The following CACNA2D1 variants were observed in gnomAD, a reference collection of about 807,000 sequenced individuals.
The protein encoded by CACNA2D1 is voltage-dependent calcium channel subunit alpha-2/delta-1.
A neutral mutation model predicts 171.5 loss-of-function variants in CACNA2D1; 53 were observed. The ratio of observed to expected loss-of-function variants is 0.31; its 90% confidence interval spans 0.25 to 0.39. The LOEUF is 0.39. Among genes scored for constraint, CACNA2D1 ranks in the 10% least tolerant of loss-of-function variants. CACNA2D1 has a pLI of 1.00. For missense variants in CACNA2D1, 903 were observed against 1,299.8 expected (o/e 0.69, Z 4.69); for synonymous variants, 442 against 443.1 (o/e 1.00, Z 0.03).
At chr7:82,324,764 G>T (rs1237028805) in intron 3 of CACNA2D1, among the ~76,000 whole-genome samples, 1 of 152,120 alleles carries the variant, frequency 6.6e-6, no homozygotes, top group Non-Finnish European at 1.5e-5. Flanking sequence ...AAAACCTGAT[G>T]TTCTGAGTGA....
chr7:82,007,184 A>T (rs1180350066), intron 16 of CACNA2D1, among the ~76,000 whole-genome samples: 1 of 151,992 alleles, frequency 6.6e-6, no homozygotes, highest in Non-Finnish European at 1.5e-5. Context: ...GTATCCTAAA[A>T]ATAGAAAAAA....
At chr7:82,390,288 A>T (rs1170898262) in intron 1 of CACNA2D1, among the ~76,000 whole-genome samples, 3 of 152,178 alleles carry the variant, frequency 2.0e-5, no homozygotes, top group Non-Finnish European at 2.9e-5. Context: ...TAAAAAGAAA[A>T]ACCTCTGACG....
At chr7:82,042,261 G>A (rs1562912680) in intron 10 of CACNA2D1, among the ~76,000 whole-genome samples, 2 of 152,130 alleles carry the variant, frequency 1.3e-5, no homozygotes, top group Admixed American at 1.3e-4. Flanking sequence ...ATCGTATTAT[G>A]TATGTTTTAA....
intron 3 of CACNA2D1, among the ~76,000 whole-genome samples, chr7:82,219,247 T>C (rs939642661): frequency 6.6e-6 from 1 of 152,182 alleles, no homozygotes; most frequent in Non-Finnish European, 1.5e-5. Flanking sequence ...TGCTACTTAG[T>C]AGGAAATAAT....
At chr7:82,142,023 T>A (rs1031551093) in intron 4 of CACNA2D1, among the ~76,000 whole-genome samples, 3 of 152,172 alleles carry the variant, frequency 2.0e-5, no homozygotes, top group Non-Finnish European at 4.4e-5. Flanking sequence ...TTAAACAACA[T>A]CATCTTGGAA....
chr7:82,321,413 A>C (rs916754229), intron 3 of CACNA2D1, among the ~76,000 whole-genome samples: 1 of 152,046 alleles, frequency 6.6e-6, no homozygotes, highest in Non-Finnish European at 1.5e-5. Context: ...AAGAAATAAA[A>C]TAATAAAATA....
At chr7:82,247,581 A>T (rs540311918) in intron 3 of CACNA2D1, among the ~76,000 whole-genome samples, 1 of 152,154 alleles carries the variant, frequency 6.6e-6, no homozygotes, top group Non-Finnish European at 1.5e-5. Flanking sequence ...TGTCCAAAGT[A>T]AATCCAAGCA....
intron 18 of CACNA2D1, among the ~76,000 whole-genome samples, chr7:81,998,705 C>T (rs1222400927): frequency 1.3e-5 from 2 of 151,866 alleles, no homozygotes; most frequent in African/African-American, 4.8e-5. Context: ...TTCTAGAATA[C>T]TGAAAATAAG....
In CACNA2D1 at chr7:82,296,277, AC is replaced by A. The variant is rs200506874; in HGVS notation, c.294+38857del. Among the ~76,000 whole-genome samples the A allele has an allele frequency of 7.0e-3, 1,058 of 152,012 alleles. 6 individuals carry two copies. The highest frequency in any genetic ancestry group is 0.024 in the African/African-American group (986 of 41,416). On this transcript the variant is annotated intron_variant, in intron 3 of 38. Transcript: ENST00000356860. ...AGTATAATAATAATTAAAAAAAAAA[AC>A]ATGTAGATTCTGAAGAGGAAAAACT...
intron 3 of CACNA2D1, among the ~76,000 whole-genome samples, chr7:82,246,368 A>G (rs1804923995): frequency 6.6e-6 from 1 of 152,162 alleles, no homozygotes; most frequent in Non-Finnish European, 1.5e-5. Context: ...GTTCATCTCA[A>G]TAAATATCTG....
chr7:81,995,338 G>A (rs1234732632), intron 19 of CACNA2D1, among the ~76,000 whole-genome samples: 1 of 152,128 alleles, frequency 6.6e-6, no homozygotes, highest in Non-Finnish European at 1.5e-5. Flanking sequence ...TGAGTTTCAT[G>A]TGAGAAAAAT....
At chr7:82,388,205 T>A (rs921654460) in intron 1 of CACNA2D1, among the ~76,000 whole-genome samples, 3 of 152,232 alleles carry the variant, frequency 2.0e-5, no homozygotes, top group Non-Finnish European at 4.4e-5. Flanking sequence ...GACTTTCTAT[T>A]TACAAATTCA....
At chr7:81,952,085 G>A (rs1170730143) in intron 38 of CACNA2D1, among the ~76,000 whole-genome samples, 3 of 146,938 alleles carry the variant, frequency 2.0e-5, no homozygotes, top group African/African-American at 5.0e-5. Flanking sequence ...GATAATTAGT[G>A]ATGTTGAGCA....
chr7:82,320,578 ATT>A (rs1187859762), intron 3 of CACNA2D1, among the ~76,000 whole-genome samples: 109 of 128,680 alleles, frequency 8.5e-4, no homozygotes, highest in Non-Finnish European at 7.5e-4. Flanking sequence ...CACTTGGCTA[ATT>A]TTTTTTTTTT....
At chr7:82,013,321 A>G (rs1283231567) in intron 14 of CACNA2D1, 140 bp downstream of exon 14, 1 of 257,458 alleles carries the variant, frequency 3.9e-6, no homozygotes, top group Non-Finnish European at 7.4e-6. Flanking sequence ...TGTATCAACA[A>G]GATACTCAGT....
At chr7:82,084,983 T>C in intron 6 of CACNA2D1, 83 bp from the exon 7 acceptor site, 1 of 1,143,954 alleles carries the variant, frequency 8.7e-7, no homozygotes, top group Non-Finnish European at 1.3e-6. Flanking sequence ...AAAATAATAT[T>C]AAATATGTTC....
At chr7:82,311,194 T>C (rs1322187354) in intron 3 of CACNA2D1, among the ~76,000 whole-genome samples, 2 of 152,136 alleles carry the variant, frequency 1.3e-5, no homozygotes, top group Non-Finnish European at 2.9e-5. Flanking sequence ...GTTGTCATAA[T>C]AAATTGCTTA....
intron 1 of CACNA2D1, among the ~76,000 whole-genome samples, chr7:82,425,397 T>A (rs1192434060): frequency 6.6e-6 from 1 of 152,128 alleles, no homozygotes; most frequent in Non-Finnish European, 1.5e-5. Context: ...CCACGACTCC[T>A]CAGCATTGAA....
intron 12 of CACNA2D1, among the ~76,000 whole-genome samples, chr7:82,015,732 G>A (rs1236948575): frequency 1.3e-5 from 2 of 152,200 alleles, no homozygotes; most frequent in East Asian, 3.9e-4. Context: ...CTGACTATTT[G>A]AATGGACATT....
Sources: allele counts gnomAD v4.1 joint callset (sites outside exome capture counted in the v4.1 genomes callset), GRCh38; gene constraint gnomAD v4.1.1; transcripts MANE v1.5; gene names NCBI Gene and HGNC (gene_info 2026-07-23, HGNC 2026-07-21).